TMEM132D: variants seen among roughly 807,000 people sequenced by gnomAD.
The protein encoded by TMEM132D is mature OL transmembrane protein.
In TMEM132D, 21 loss-of-function variants were observed where a neutral mutation model predicts 62.3. The ratio of observed to expected loss-of-function variants is 0.34; its 90% CI spans 0.24 to 0.49. The LOEUF (loss-of-function observed/expected upper bound fraction) is 0.49, where lower values mean the gene tolerates loss of function less well. Ranked by LOEUF, TMEM132D falls within the 20% of genes least tolerant of loss-of-function variation. The pLI is 0.99. For missense variants in TMEM132D, 1,346 were observed against 1,402.8 expected (o/e 0.96, Z 0.65); for synonymous variants, 621 against 575.6 (o/e 1.08, Z -1.13).
At chr12:129,117,886 A>C (rs983286692) in intron 5 of TMEM132D, among the ~76,000 whole-genome samples, 28 of 152,336 alleles carry the variant, frequency 1.8e-4, no homozygotes, top group Admixed American at 7.8e-4. Context: ...ACTATTTGTC[A>C]TAAAAATGGG....
chr12:129,470,579 A>G (rs937678423), intron 3 of TMEM132D, among the ~76,000 whole-genome samples: 19 of 152,238 alleles, frequency 1.2e-4, no homozygotes, highest in African/African-American at 4.6e-4. Context: ...TTGCACAAAT[A>G]AAGTGGCTGT....
chr12:129,665,684 C>T (rs998267668), intron 2 of TMEM132D, among the ~76,000 whole-genome samples: 1 of 152,120 alleles, frequency 6.6e-6, no homozygotes, highest in Non-Finnish European at 1.5e-5. Flanking sequence ...TGGGTAGAGA[C>T]TTGCTATGTC....
At chr12:129,716,163 G>A (rs534301205) in intron 1 of TMEM132D, among the ~76,000 whole-genome samples, 1 of 152,316 alleles carries the variant, frequency 6.6e-6, no homozygotes, top group Admixed American at 6.5e-5. Flanking sequence ...ATTCTGAGTA[G>A]CTTCAGACTT....
chr12:129,794,847 C>G (rs1871514752), intron 1 of TMEM132D, among the ~76,000 whole-genome samples: 1 of 152,102 alleles, frequency 6.6e-6, no homozygotes, highest in Admixed American at 6.5e-5. Flanking sequence ...AGAATCATAT[C>G]ACTGCTAAGT....
rs1879896483 is a variant in TMEM132D at position 129,650,392 on chromosome 12, T to C, written c.968+49418A>G. The stretch of plus-strand genomic sequence containing the variant: ...TTGTAAGTTGCTTCCAATGTTTTAC[T>C]ATTAAAAACAATGGTGTTTTGAACA... On this transcript the variant is annotated intron_variant, in intron 2 of 8. Coordinates refer to ENST00000422113, the MANE Select transcript of TMEM132D (RefSeq NM_133448.3). Among the ~76,000 whole-genome samples, 3 of 152,260 alleles carry C rather than the reference T, an allele frequency of 2.0e-5. No homozygotes were observed. In the South Asian group the frequency reaches 6.2e-4, roughly 31 times the overall value.
chr12:129,751,572 C>T (rs566939635), intron 1 of TMEM132D, among the ~76,000 whole-genome samples: 7 of 152,294 alleles, frequency 4.6e-5, no homozygotes, highest in African/African-American at 1.4e-4. Context: ...TGACTCAGGA[C>T]CCTGCCCTTA....
At chr12:129,096,278 G>A (rs1028724764) in intron 5 of TMEM132D, among the ~76,000 whole-genome samples, 7 of 152,104 alleles carry the variant, frequency 4.6e-5, no homozygotes, top group East Asian at 1.9e-4. Flanking sequence ...GTCCCGAGTC[G>A]GCCGTCATAT....
In TMEM132D at chr12:129,655,565, T is replaced by C. The variant is rs184913238; in HGVS notation, c.968+44245A>G. 4.6e-5 allele frequency among the ~76,000 whole-genome samples: 7 copies of C among 152,120 alleles called. No individual in the cohort carries two copies. The East Asian group carries it at 1.2e-3, about 25-fold the overall frequency. ...CCTGGTCCCTGAATTCCTTTTCTAC[T>C]TACCCTTCGTGGGGGCGTTGCAGGG... On this transcript the variant is annotated intron_variant, in intron 2 of 8. Transcript: ENST00000422113.
intron 2 of TMEM132D, among the ~76,000 whole-genome samples, chr12:129,553,545 G>A (rs1247545036): frequency 6.6e-6 from 1 of 152,216 alleles, no homozygotes; most frequent in African/African-American, 2.4e-5. Flanking sequence ...CAGGGAGAGG[G>A]AGCGTGGATA....
intron 4 of TMEM132D, among the ~76,000 whole-genome samples, chr12:129,265,063 A>G (rs1052110695): frequency 2.8e-5 from 4 of 144,004 alleles, no homozygotes; most frequent in African/African-American, 7.8e-5. Context: ...TAACTTATGG[A>G]AAAAAAAATC....
intron 5 of TMEM132D, among the ~76,000 whole-genome samples, chr12:129,186,350 G>A (rs11610622): frequency 0.08 from 12,203 of 152,212 alleles, 571 homozygotes; most frequent in Middle Eastern, 0.12. Context: ...CTCTGCTGAT[G>A]CAAGGACTCT....
intron 4 of TMEM132D, among the ~76,000 whole-genome samples, chr12:129,255,174 C>T (rs1427456936): frequency 6.6e-6 from 1 of 152,166 alleles, no homozygotes; most frequent in East Asian, 1.9e-4. Context: ...CTGGGGTCTC[C>T]CCAGAAACAG....
intron 1 of TMEM132D, among the ~76,000 whole-genome samples, chr12:129,818,593 TTG>T (rs778027282): frequency 1.4e-5 from 2 of 146,462 alleles, no homozygotes; most frequent in African/African-American, 5.1e-5. Context: ...TGGAGTGTGT[TTG>T]TGTGTGTGTA....
chr12:129,784,904 A>G (rs900401730), intron 1 of TMEM132D, among the ~76,000 whole-genome samples: 4 of 152,174 alleles, frequency 2.6e-5, no homozygotes, highest in African/African-American at 7.2e-5. Context: ...GATGGACCAC[A>G]GCTTTCTGTC....
chr12:129,251,619 G>A (rs945249098), intron 4 of TMEM132D, among the ~76,000 whole-genome samples: 5 of 152,152 alleles, frequency 3.3e-5, no homozygotes, highest in African/African-American at 9.7e-5. Context: ...TGCAGCATGA[G>A]TATTTAAGTT....
intron 5 of TMEM132D, among the ~76,000 whole-genome samples, chr12:129,169,066 C>T (rs113415439): frequency 0.013 from 1,925 of 152,228 alleles, 38 homozygotes; most frequent in African/African-American, 0.043. Flanking sequence ...ATAGCATTTT[C>T]GTAAAGCCGT....
chr12:129,391,767 A>AT (rs896967484), intron 3 of TMEM132D, among the ~76,000 whole-genome samples: 5 of 151,766 alleles, frequency 3.3e-5, no homozygotes, highest in South Asian at 4.2e-4. Context: ...TTCTTTTTTT[A>AT]TTTTTTTTAG....
At chr12:129,697,066 T>G (rs1250242296) in intron 2 of TMEM132D, among the ~76,000 whole-genome samples, 1 of 152,098 alleles carries the variant, frequency 6.6e-6, no homozygotes, top group Non-Finnish European at 1.5e-5. Flanking sequence ...TGCCCCTGAG[T>G]GCCCCTGAGA....
At chr12:129,895,054 T>C (rs1176984699) in intron 1 of TMEM132D, among the ~76,000 whole-genome samples, 1 of 152,146 alleles carries the variant, frequency 6.6e-6, no homozygotes, top group Non-Finnish European at 1.5e-5. Context: ...CCACCTCTGA[T>C]ACAAATGTTC....
Sources: gnomAD v4.1 joint callset for allele counts (sites outside exome capture counted in the v4.1 genomes callset) on GRCh38, gnomAD v4.1.1 for gene constraint, MANE v1.5 for transcripts, NCBI Gene and HGNC (gene_info 2026-07-23, HGNC 2026-07-21) for gene names.